The following PAM variants were observed in gnomAD, a reference collection of about 807,000 sequenced individuals.
PAM encodes peptidyl-glycine alpha-amidating monooxygenase.
In PAM, 72 loss-of-function variants were observed where a neutral mutation model predicts 122.1. The observed-to-expected ratio is 0.59, with a 90% CI of 0.49 to 0.72. PAM has a LOEUF of 0.72. Ranked by LOEUF, PAM falls within the 30% of genes least tolerant of loss-of-function variation. The pLI, the probability that PAM is intolerant of heterozygous loss-of-function variation, is 0.00. For synonymous variants in PAM, 389 were observed against 404.4 expected (o/e 0.96, Z 0.46); for missense variants, 1,106 against 1,183.7 (o/e 0.93, Z 0.96).
At chr5:102,758,073 GTTTTTT>G (rs1168917285) in intron 1 of PAM, among the ~76,000 whole-genome samples, 366 of 24,666 alleles carry the variant, frequency 0.015, no homozygotes, top group Non-Finnish European at 0.028. Flanking sequence ...TTAGAATTTT[GTTTTTT>G]TTTTTTTTTT....
chr5:102,777,569 CT>C (rs1757507936), intron 1 of PAM, among the ~76,000 whole-genome samples: 1 of 152,044 alleles, frequency 6.6e-6, no homozygotes, highest in African/African-American at 2.4e-5. Flanking sequence ...GAGAGGGATT[CT>C]ACTAGAGAAT....
chr5:102,759,120 A>C (rs1170914177), intron 1 of PAM, among the ~76,000 whole-genome samples: 2 of 152,212 alleles, frequency 1.3e-5, no homozygotes, highest in Non-Finnish European at 2.9e-5. Context: ...TATAAAGAAA[A>C]TTTTTAAAAA....
intron 3 of PAM, among the ~76,000 whole-genome samples, chr5:102,898,215 C>T (rs1465122349): frequency 6.6e-6 from 1 of 151,578 alleles, no homozygotes; most frequent in African/African-American, 2.4e-5. Flanking sequence ...ATAGATAGCA[C>T]TGGGCACCAT....
At chr5:103,002,754 A>G (rs545936217) in intron 16 of PAM, among the ~76,000 whole-genome samples, 7 of 152,306 alleles carry the variant, frequency 4.6e-5, no homozygotes, top group Admixed American at 4.6e-4. Flanking sequence ...CATAGGAACC[A>G]CCCAAGGGTC....
intron 1 of PAM, among the ~76,000 whole-genome samples, chr5:102,860,499 G>A (rs1483171650): frequency 1.3e-5 from 2 of 151,934 alleles, no homozygotes; most frequent in Non-Finnish European, 2.9e-5. Flanking sequence ...CCTGGGAAAC[G>A]TGGTGAAACT....
chr5:102,854,192 A>G (rs1481599475), intron 1 of PAM, among the ~76,000 whole-genome samples: 3 of 152,196 alleles, frequency 2.0e-5, no homozygotes, highest in Admixed American at 6.5e-5. Flanking sequence ...GAAATTATAC[A>G]TGGAAAGTAT....
chr5:103,025,395 A>T, intron 24 of PAM, 61 bp downstream of exon 24: 2 of 1,337,192 alleles, frequency 1.5e-6, no homozygotes, highest in Non-Finnish European at 2.2e-6. Flanking sequence ...TGGCCTAATT[A>T]TCCTCAGGAG....
chr5:102,925,017 T>A lies in PAM; in HGVS notation c.417T>A (p.Asn139Lys). 1.3e-6 allele frequency: 2 copies of A among 1,586,672 alleles called. No homozygotes were observed. Among genetic ancestry groups the A allele is most frequent in the Non-Finnish European group, 1.7e-6 (2 of 1,154,878 alleles). Residue 139 changes from asparagine (N) to lysine (K), a missense_variant, in exon 6 of 26, where the codon AAT becomes AAA. Around this residue, in one of 3 missense-constraint regions of PAM, gnomAD observed 670 missense variants for 690.3 expected, o/e 0.97. Transcript: ENST00000438793. ...ATATTCTGTATGCCTGGGCGAGAAA[T>A]GCTCCCCCTACCCGGCTCCCCAAAG... The part of the protein sequence containing the change: ...KANILYAWAR[N>K]APPTRLPKGV...
intron 1 of PAM, among the ~76,000 whole-genome samples, chr5:102,799,335 A>G (rs1337466348): frequency 6.6e-6 from 1 of 152,184 alleles, no homozygotes; most frequent in South Asian, 2.1e-4. Context: ...AAGACATTCC[A>G]TACTCCATCC....
At chr5:102,859,335 AGTGTGT>A (rs57728525) in intron 1 of PAM, among the ~76,000 whole-genome samples, 2,686 of 142,386 alleles carry the variant, frequency 0.019, 44 homozygotes, top group South Asian at 0.095. Flanking sequence ...GGCCCAGGCT[AGTGTGT>A]GTGTGTGTGT....
chr5:102,883,109 T>C (rs571595229), intron 3 of PAM, among the ~76,000 whole-genome samples: 2 of 152,096 alleles, frequency 1.3e-5, no homozygotes, highest in Non-Finnish European at 2.9e-5. Context: ...CATGCTGTTT[T>C]GGTGAGTACG....
chr5:102,835,217 C>CTTT (rs1444586725), intron 1 of PAM, among the ~76,000 whole-genome samples: 1 of 152,118 alleles, frequency 6.6e-6, no homozygotes, highest in Non-Finnish European at 1.5e-5. Context: ...TGAGTAACAG[C>CTTT]TCTGAGGTTT....
chr5:102,906,604 C>T (rs1320284199), intron 4 of PAM, among the ~76,000 whole-genome samples: 5 of 151,862 alleles, frequency 3.3e-5, no homozygotes, highest in African/African-American at 1.2e-4. Context: ...CAAATTACTT[C>T]ACTTCTCTTT....
At chr5:102,787,794 G>T (rs1490977776) in intron 1 of PAM, among the ~76,000 whole-genome samples, 1 of 151,952 alleles carries the variant, frequency 6.6e-6, no homozygotes. Context: ...GCTATTCTCA[G>T]GAAATGTTGG....
At chr5:102,966,258 G>C (rs919170882) in intron 14 of PAM, among the ~76,000 whole-genome samples, 2 of 152,086 alleles carry the variant, frequency 1.3e-5, no homozygotes, top group African/African-American at 4.8e-5. Flanking sequence ...CTGGGAAGCT[G>C]ACTGAATGCT....
chr5:102,767,979 A>T (rs138161238), intron 1 of PAM, among the ~76,000 whole-genome samples: 57 of 152,192 alleles, frequency 3.7e-4, no homozygotes, highest in African/African-American at 1.3e-3. Context: ...GACCTGTGTC[A>T]CTCTGGCAAG....
intron 1 of PAM, among the ~76,000 whole-genome samples, chr5:102,786,070 G>A (rs1179080073): frequency 1.3e-5 from 2 of 152,118 alleles, no homozygotes; most frequent in Admixed American, 6.5e-5. Flanking sequence ...TTTGCATTTT[G>A]TAAATTTACT....
intron 1 of PAM, among the ~76,000 whole-genome samples, chr5:102,756,955 A>G (rs1482495419): frequency 6.6e-6 from 1 of 152,196 alleles, no homozygotes; most frequent in Non-Finnish European, 1.5e-5. Context: ...TTTATTTCAT[A>G]TTTTTATATG....
intron 3 of PAM, among the ~76,000 whole-genome samples, chr5:102,882,036 T>C (rs1407759826): frequency 2.3e-5 from 3 of 128,460 alleles, no homozygotes; most frequent in Non-Finnish European, 1.6e-5. Context: ...TGTGGCTGAG[T>C]AGTATTCCAT....
Sources: gnomAD v4.1 joint callset for allele counts (sites outside exome capture counted in the v4.1 genomes callset) on GRCh38, gnomAD v4.1.1 for gene constraint, gnomAD v4.1.1 regional missense constraint, MANE v1.5 for transcripts, NCBI Gene and HGNC (gene_info 2026-07-23, HGNC 2026-07-21) for gene names.